The following NUGGC variants were observed in gnomAD, a reference collection of about 807,000 sequenced individuals.
NUGGC encodes the protein nuclear GTPase SLIP-GC.
In NUGGC, 58 loss-of-function variants were observed where a neutral mutation model predicts 92.6. The ratio of observed to expected loss-of-function variants is 0.63; its 90% CI spans 0.51 to 0.78. The LOEUF is 0.78. Among genes scored for constraint, NUGGC ranks in the 30% least tolerant of loss-of-function variants. The pLI, the probability that NUGGC is intolerant of heterozygous loss-of-function variation, is 0.00. For synonymous variants in NUGGC, 376 were observed against 366.4 expected (o/e 1.03, Z -0.30); for missense variants, 925 against 964.6 (o/e 0.96, Z 0.54).
chr8:28,029,234 G>T (rs752683112), intron 17 of NUGGC, 32 bp downstream of exon 17: 2 of 1,589,842 alleles, frequency 1.3e-6, no homozygotes, highest in South Asian at 1.1e-5. Flanking sequence ...AGCCTCTCGG[G>T]GTCTAGGATC....
At chr8:28,043,801 T>C (rs888819401) in intron 12 of NUGGC, among the ~76,000 whole-genome samples, 3 of 152,202 alleles carry the variant, frequency 2.0e-5, no homozygotes, top group African/African-American at 7.2e-5. Context: ...AGCAATCTTG[T>C]GCTGGGCAAA....
rs1379928883 is a variant in NUGGC at position 28,045,580 on chromosome 8, C to T, written c.1393G>A (p.Ala465Thr). Reference sequence around the variant, plus strand: ...TCTGTGAGGAGCAACAGGCCAAAGGCTTCAGTCACATACTTGGTCACTGTC... The same window carrying T: ...TCTGTGAGGAGCAACAGGCCAAAGGTTTCAGTCACATACTTGGTCACTGTC... ...KRTVTKYVTE[A>T]FGLLLLTDSF... The change falls in exon 12 of 19, where the codon GCC becomes ACC. Residue 465 changes from alanine to threonine, a missense_variant. By Grantham distance (58) the Ala-to-Thr change is moderately conservative (BLOSUM62 0). Transcript: ENST00000413272. 5.6e-6 allele frequency: 9 copies of T among 1,613,080 alleles called. No individual in the cohort carries two copies. Among genetic ancestry groups the T allele is most frequent in the Non-Finnish European group, 7.6e-6 (9 of 1,179,794 alleles).
At chr8:28,025,104 C>T (rs1338608067) in intron 18 of NUGGC, among the ~76,000 whole-genome samples, 1 of 152,224 alleles carries the variant, frequency 6.6e-6, no homozygotes, top group Admixed American at 6.5e-5. Context: ...AAGGTGGGGA[C>T]TCTTGCCTGT....
chr8:28,077,645 G>C (rs1483907710), intron 1 of NUGGC, among the ~76,000 whole-genome samples: 1 of 152,156 alleles, frequency 6.6e-6, no homozygotes, highest in Non-Finnish European at 1.5e-5. Context: ...AGCAGCTTAA[G>C]GAGTAACTCG....
intron 7 of NUGGC, among the ~76,000 whole-genome samples, chr8:28,061,477 A>C (rs1356834149): frequency 6.6e-6 from 1 of 152,200 alleles, no homozygotes; most frequent in Non-Finnish European, 1.5e-5. Flanking sequence ...CTTTGCATAC[A>C]AAGGGATGAC....
rs146721601 is a variant in NUGGC at position 28,037,635 on chromosome 8, A to T, written c.1611+3416T>A. On this transcript the variant is annotated intron_variant, in intron 13 of 18. Coordinates refer to ENST00000413272, the MANE Select transcript of NUGGC (RefSeq NM_001010906.2). Reference sequence around the variant, plus strand: ...TGGGACACACACACAGGCCTGAGCTATTCAGCACAAGGCATTCTCTTTTCT... The same window carrying T: ...TGGGACACACACACAGGCCTGAGCTTTTCAGCACAAGGCATTCTCTTTTCT... Among the ~76,000 whole-genome samples, 788 of 152,320 alleles carry T rather than the reference A, an allele frequency of 5.2e-3. 10 individuals are homozygous for T. Among genetic ancestry groups the T allele is most frequent in the African/African-American group, 0.018 (736 of 41,556 alleles).
At chr8:28,029,556 C>T (rs1809360636) in intron 16 of NUGGC, among the ~76,000 whole-genome samples, 154 bp from the exon 17 acceptor site, 3 of 152,130 alleles carry the variant, frequency 2.0e-5, no homozygotes, top group South Asian at 4.2e-4. Flanking sequence ...CAAGACCAGC[C>T]TGCCCAACAT....
At position 28,033,623 on chromosome 8, in the gene NUGGC, C is replaced by G. The variant is rs1216777531; in HGVS notation, c.1686G>C (p.Arg562Ser). Residue 562 changes from arginine to serine, a missense_variant, in exon 14 of 19, where the codon AGG becomes AGC. Coordinates refer to ENST00000413272, the MANE Select transcript of NUGGC (RefSeq NM_001010906.2). The part of the protein sequence containing the change: ...VCLKNGIYAS[R>S]TLARIDLNEA... ...CATTTAGATCAATTCTCGCCAGAGT[C>G]CTGGAGGCATAGATGCCATTTTTCA... The G allele has an allele frequency of 6.2e-7, 1 of 1,613,976 alleles. No individual in the cohort carries two copies. The highest frequency in any genetic ancestry group is 2.2e-5 in the East Asian group (1 of 44,882).
In NUGGC at chr8:28,079,932, T is replaced by TTTTGTTTG. The variant is rs10689963; in HGVS notation, c.-47+3835_-47+3842dup. ...TTTTTGTTTTTGTTGTTCTTTGTTT[T>TTTTGTTTG]TTTGTTTGTTTGTTTGTTTGTTTTG... On this transcript the variant is annotated intron_variant, in intron 1 of 18. Transcript: ENST00000413272. 4.3e-3 allele frequency among the ~76,000 whole-genome samples: 646 copies of TTTTGTTTG among 150,952 alleles called. 5 individuals carry two copies. Among genetic ancestry groups the TTTTGTTTG allele is most frequent in the African/African-American group, 0.014 (563 of 41,116 alleles).
At chr8:28,036,923 T>A (rs1809568136) in intron 13 of NUGGC, among the ~76,000 whole-genome samples, 1 of 152,200 alleles carries the variant, frequency 6.6e-6, no homozygotes, top group African/African-American at 2.4e-5. Flanking sequence ...TGCACAACCC[T>A]GCACATTATG....
In NUGGC at chr8:28,047,519, C is replaced by T. The variant is rs746855777; in HGVS notation, c.1300G>A (p.Glu434Lys). The T allele has an allele frequency of 1.2e-5, 18 of 1,552,728 alleles. No individual in the cohort carries two copies. In the African/African-American group the frequency reaches 1.4e-4, roughly 12 times the overall value. The part of the protein sequence containing the change: ...QEYWQQALLT[E>K]EETEIPKLRE... ...AAACATAAATTACCCGTTTCCTCCT[C>T]GGTGAGGAGAGCCTGCTGCCAGTAC... Residue 434 changes from glutamate to lysine, a missense_variant, in exon 11 of 19, where the codon GAG (glutamate) becomes AAG (lysine). Glu to Lys is a moderately conservative substitution (Grantham distance 56). Transcript: ENST00000413272.
chr8:28,079,536 A>T (rs1810798138), intron 1 of NUGGC, among the ~76,000 whole-genome samples: 1 of 151,988 alleles, frequency 6.6e-6, no homozygotes, highest in African/African-American at 2.4e-5. Context: ...ATTTCGTCTT[A>T]AAAAAAAGAA....
At chr8:28,076,485 TG>T (rs1810725194) in intron 1 of NUGGC, among the ~76,000 whole-genome samples, 1 of 152,136 alleles carries the variant, frequency 6.6e-6, no homozygotes, top group African/African-American at 2.4e-5. Flanking sequence ...TTAGTAGAGA[TG>T]GGGTTTCACC....
At chr8:28,049,372 A>G (rs529110499) in intron 10 of NUGGC, among the ~76,000 whole-genome samples, 15 of 152,362 alleles carry the variant, frequency 9.8e-5, no homozygotes, top group Admixed American at 4.6e-4. Flanking sequence ...GGGAGATGAA[A>G]TTAATGTAGA....
chr8:28,058,755 T>G (rs956250669), intron 8 of NUGGC, among the ~76,000 whole-genome samples: 5 of 151,738 alleles, frequency 3.3e-5, no homozygotes, highest in East Asian at 3.9e-4. Flanking sequence ...CAGGCTGGAG[T>G]GCAGTGGTAC....
intron 12 of NUGGC, among the ~76,000 whole-genome samples, chr8:28,044,610 C>G (rs1260328523): frequency 6.6e-5 from 10 of 152,208 alleles, no homozygotes; most frequent in Non-Finnish European, 1.3e-4. Context: ...AGTTATTCAT[C>G]AAGTCCCGGC....
chr8:28,069,555 G>A lies in NUGGC; in HGVS notation c.246C>T (p.Val82=). 1 of 1,565,000 alleles carries A rather than the reference G, an allele frequency of 6.4e-7. No individual in the cohort carries two copies. The highest frequency in any genetic ancestry group is 8.8e-7 in the Non-Finnish European group (1 of 1,136,370). Residue 82 remains valine, a synonymous_variant, in exon 4 of 19, where the codon GTC becomes GTT. Coordinates refer to ENST00000413272, the MANE Select transcript of NUGGC (RefSeq NM_001010906.2). Reference sequence around the variant, plus strand: ...GATTTCAGACTCACATGAGATACTTGACTCCATTAGGGATGCTGTCATCCA... The same window carrying A: ...GATTTCAGACTCACATGAGATACTTAACTCCATTAGGGATGCTGTCATCCA... The part of the protein sequence containing the change: ...VFLDDSIPNG[V]KYLINRLLAL...
In NUGGC at chr8:28,033,556, A is replaced by G. The variant is rs777177551; in HGVS notation, c.1753T>C (p.Phe585Leu). 1.2e-5 allele frequency: 19 copies of G among 1,613,336 alleles called. No individual in the cohort carries two copies. Among genetic ancestry groups the G allele is most frequent in the Admixed American group, 1.7e-5 (1 of 59,892 alleles). Residue 585 changes from phenylalanine to leucine, a missense_variant, in exon 14 of 19, where the codon TTT (phenylalanine) becomes CTT (leucine). Coordinates refer to ENST00000413272, the MANE Select transcript of NUGGC (RefSeq NM_001010906.2). ...QPVYDQIDPV[F>L]GSIFRTGKPT... is the part of the protein sequence containing the mutation. ...ATCCTTTACCTAAAAATGCTTCCAA[A>G]AACAGGGTCGATCTGGTCATAGACG...
At chr8:28,042,513 T>C (rs1387127589) in intron 12 of NUGGC, among the ~76,000 whole-genome samples, 2 of 152,200 alleles carry the variant, frequency 1.3e-5, no homozygotes, top group African/African-American at 4.8e-5. Flanking sequence ...GAGACAAAGC[T>C]CAAAGGTCCT....
Sources: allele counts gnomAD v4.1 joint callset (sites outside exome capture counted in the v4.1 genomes callset), GRCh38; gene constraint gnomAD v4.1.1; transcripts MANE v1.5; gene names NCBI Gene and HGNC (gene_info 2026-07-23, HGNC 2026-07-21).